MTCL1: variants seen among roughly 807,000 people sequenced by gnomAD.
MTCL1 encodes microtubule crosslinking factor 1.
A neutral mutation model predicts 141.4 loss-of-function variants in MTCL1; 79 were observed. The ratio of observed to expected loss-of-function variants is 0.56; its 90% confidence interval spans 0.47 to 0.67. The LOEUF (loss-of-function observed/expected upper bound fraction) is 0.67, where lower values mean the gene tolerates loss of function less well. MTCL1 is among the 30% of genes least tolerant of loss of function. The probability of loss-of-function intolerance (pLI) is 0.00; values close to 1 mark genes in which losing one functional copy is unlikely to be tolerated. For synonymous variants in MTCL1, 914 were observed against 875.8 expected, an observed-to-expected ratio of 1.04 and a Z score of -0.77; for missense variants, 2,177 against 2,113.9, an observed-to-expected ratio of 1.03 and a Z score of -0.59.
exon 15 of MTCL1, chr18:8,824,961 C>T: frequency 2.5e-6 from 4 of 1,613,620 alleles, no homozygotes; most frequent in Non-Finnish European, 3.4e-6. Flanking sequence ...AGAGCCTTTC[C>T]CCGACTCCTC....
At chr18:8,786,891 C>A (rs1598661453) in intron 7 of MTCL1, 1 of 158,660 alleles carries the variant, frequency 6.3e-6, no homozygotes, top group African/African-American at 2.4e-5. Flanking sequence ...TTTTCCCTTC[C>A]CACTGTAGCT....
intron 11 of MTCL1, chr18:8,809,818 A>G: frequency 1.9e-6 from 1 of 536,554 alleles, no homozygotes; most frequent in Non-Finnish European, 3.3e-6. Flanking sequence ...GGTGTGTGTC[A>G]TCACAGGCAC....
rs1276148689 is a variant in MTCL1 at position 8,705,862 on chromosome 18, C to G, written c.202C>G (p.Arg68Gly). The G allele has an allele frequency of 9.6e-6, 11 of 1,147,914 alleles. No homozygotes were observed. The highest frequency in any genetic ancestry group is 1.2e-5 in the Non-Finnish European group (11 of 933,548). The allele number at this position is 1,147,914 out of a possible 1,614,324, so 71.1% of individuals were successfully genotyped here. Reference sequence around the variant, plus strand: ...CGGCCCGGCCGTCCCCTCCTCGGGCCGAGCCCCGGCTCCCGCCGCCCCGCG... The same window carrying G: ...CGGCCCGGCCGTCCCCTCCTCGGGCGGAGCCCCGGCTCCCGCCGCCCCGCG... The change falls in exon 1 of 14, where the codon CGA (arginine) becomes GGA (glycine). Residue 68 changes from arginine (R) to glycine (G), a missense_variant. Transcript: ENST00000306329. The surrounding 1 kb of genome is among the most constrained non-coding windows in gnomAD (Gnocchi z 5.2).
intron 3 of MTCL1, 160 bp from the exon 3 acceptor site, chr18:8,720,176 ATC>A (rs745569735): frequency 1.5e-6 from 1 of 645,480 alleles, no homozygotes; most frequent in Non-Finnish European, 2.6e-6. Context: ...TTTTAAATGA[ATC>A]TCCTCCTCCT....
At chr18:8,798,282 C>T in exon 10 of MTCL1, 1 of 1,541,814 alleles carries the variant, frequency 6.5e-7, no homozygotes, top group Non-Finnish European at 8.7e-7. Context: ...GGGGACAGCC[C>T]CACAAACAGG....
At chr18:8,784,792 C>T (rs1369898927) in exon 6 of MTCL1, 7 of 1,611,054 alleles carry the variant, frequency 4.3e-6, no homozygotes, top group Non-Finnish European at 5.9e-6. Flanking sequence ...CTTCCGTGTC[C>T]CGGGACTCCC....
intron 4 of MTCL1, among the ~76,000 whole-genome samples, chr18:8,775,525 A>T (rs561443520): frequency 6.6e-6 from 1 of 152,214 alleles, no homozygotes; most frequent in Admixed American, 6.5e-5. Flanking sequence ...GTGAGCCGAG[A>T]TTGCACCACT....
Position 8,809,210 on chromosome 18 carries a change from A to G in MTCL1, c.2604+2150A>G, listed in dbSNP as rs199560881. Among the ~76,000 whole-genome samples the G allele has an allele frequency of 2.6e-5, 4 of 152,326 alleles. No homozygotes were observed. In the East Asian group the frequency reaches 7.7e-4, roughly 29 times the overall value. On this transcript the variant is annotated intron_variant, in intron 11 of 16. Transcript: ENST00000359865. Reference sequence around the variant, plus strand: ...CAAGATAGAGAATGGATTAGGAGCCATTAGAATCGAATGGATTAACCTGGG... The same window carrying G: ...CAAGATAGAGAATGGATTAGGAGCCGTTAGAATCGAATGGATTAACCTGGG...
chr18:8,831,518 T>TGAGAAGTGTGTTTGGGG, intron 16 of MTCL1, 89 bp from the exon 15 acceptor site: 2 of 1,503,526 alleles, frequency 1.3e-6, no homozygotes, highest in Non-Finnish European at 1.8e-6. Flanking sequence ...TCATCTCACT[T>TGAGAAGTGTGTTTGGGG]GAGTCTGTTG....
chr18:8,807,940 G>T (rs1373704449), intron 11 of MTCL1, among the ~76,000 whole-genome samples: 1 of 147,258 alleles, frequency 6.8e-6, no homozygotes, highest in Admixed American at 6.9e-5. Context: ...GAAAGGAAAA[G>T]AATTGCCTGG....
intron 4 of MTCL1, among the ~76,000 whole-genome samples, chr18:8,740,857 G>A (rs2096299127): frequency 6.6e-6 from 1 of 152,172 alleles, no homozygotes; most frequent in Non-Finnish European, 1.5e-5. Context: ...GGGGCTGTGT[G>A]GTATTCCTTG....
chr18:8,804,092 A>G (rs1361491291), intron 10 of MTCL1, among the ~76,000 whole-genome samples: 1 of 152,200 alleles, frequency 6.6e-6, no homozygotes, highest in Non-Finnish European at 1.5e-5. Flanking sequence ...TCTTGACTCA[A>G]AAAGCAGTGA....
exon 13 of MTCL1, chr18:8,819,019 C>T (rs766434273): frequency 2.9e-5 from 47 of 1,614,116 alleles, no homozygotes; most frequent in Non-Finnish European, 3.2e-5. Context: ...ATCAAAAAGA[C>T]GGCAACGTTC....
intron 12 of MTCL1, among the ~76,000 whole-genome samples, chr18:8,815,102 C>G (rs2076607561): frequency 6.6e-6 from 1 of 152,118 alleles, no homozygotes. Flanking sequence ...TATCATTTGA[C>G]CCAGCCATCC....
chr18:8,831,591 T>A lies in MTCL1; in HGVS notation c.*19-16T>A, dbSNP rs189253950. 2 of 1,549,644 alleles carry A rather than the reference T, an allele frequency of 1.3e-6. No individual in the cohort carries two copies. Among genetic ancestry groups the A allele is most frequent in the East Asian group, 2.4e-5 (1 of 40,878 alleles). On this transcript the variant is annotated splice_polypyrimidine_tract_variant and intron_variant, in intron 16 of 16. Transcript: ENST00000359865. ...GCCGGTCTGAGTAACCCTGTCTCCC[T>A]TTCTCGGCTCTGAAGGAACTACCTT...
In MTCL1 at chr18:8,807,154, A is replaced by G; in HGVS notation, c.2604+94A>G. 6 of 1,287,838 alleles carry G rather than the reference A, an allele frequency of 4.7e-6. No homozygotes were observed. In the African/African-American group the frequency reaches 7.4e-5, roughly 16 times the overall value. 79.8% of individuals were successfully genotyped at this position (1,287,838 alleles called of 1,614,324 possible). ...AGCGGGCACAGAGAGATTCAGAACC[A>G]TGGGCTTCTTGTCCAGGAAAAAAAG... On this transcript the variant is annotated intron_variant, in intron 11 of 16. Transcript: ENST00000359865.
At chr18:8,718,556 C>T (rs746440657) in exon 3 of MTCL1, 3 of 1,614,156 alleles carry the variant, frequency 1.9e-6, no homozygotes, top group Non-Finnish European at 2.5e-6. Flanking sequence ...CCTGCAGTAC[C>T]GTCTTCGGAA....
At chr18:8,707,246 A>AG (rs2096063221) in intron 1 of MTCL1, 1 of 152,662 alleles carries the variant, frequency 6.6e-6, no homozygotes, top group South Asian at 2.1e-4. Context: ...TCCCGGGTAG[A>AG]GGGGGCCGCG....
chr18:8,795,704 A>C (rs1483146546), intron 8 of MTCL1, among the ~76,000 whole-genome samples: 2 of 152,178 alleles, frequency 1.3e-5, no homozygotes, highest in Admixed American at 1.3e-4. Flanking sequence ...TGAGGCCTGC[A>C]TATTCGGAAG....
Sources: gnomAD v4.1 joint callset for allele counts (sites outside exome capture counted in the v4.1 genomes callset) on GRCh38, gnomAD v4.1.1 for gene constraint, Gnocchi (gnomAD v3.1) non-coding constraint, MANE v1.5 for transcripts, NCBI Gene and HGNC (gene_info 2026-07-23, HGNC 2026-07-21) for gene names.